The following WDR76 variants were observed in gnomAD, a reference collection of about 807,000 sequenced individuals.
WDR76 encodes WD repeat-containing protein 76.
In WDR76, 52 loss-of-function variants were observed where a neutral mutation model predicts 70.2. The ratio of observed to expected loss-of-function variants is 0.74; its 90% CI spans 0.59 to 0.93. The LOEUF (loss-of-function observed/expected upper bound fraction) is 0.93. Ranked by LOEUF, WDR76 falls within the 40% of genes least tolerant of loss-of-function variation. The pLI, the probability that WDR76 is intolerant of heterozygous loss-of-function variation, is 0.00. For synonymous variants in WDR76, 292 were observed against 271.1 expected, an observed-to-expected ratio of 1.08 and a Z score of -0.76; for missense variants, 756 against 760.2, an observed-to-expected ratio of 0.99 and a Z score of 0.07.
rs1174225734 is a variant in WDR76 at position 43,846,235 on chromosome 15, G to C, written c.1032+2181G>C. 2.7e-5 allele frequency among the ~76,000 whole-genome samples: 4 copies of C among 149,280 alleles called. 1 individual carries two copies. The highest frequency in any genetic ancestry group is 6.0e-5 in the Non-Finnish European group (4 of 66,688). ...GGAACAAAGGCTTTAGGAGATTAAG[G>C]AAGTATGGGGGTAATGAAAGAACTG... On this transcript the variant is annotated intron_variant, in intron 8 of 12. Coordinates refer to ENST00000263795, the MANE Select transcript of WDR76 (RefSeq NM_024908.4).
chr15:43,846,877 C>G (rs1047366584), intron 8 of WDR76, among the ~76,000 whole-genome samples: 1 of 151,788 alleles, frequency 6.6e-6, no homozygotes, highest in Non-Finnish European at 1.5e-5. Context: ...ACAAAATTAG[C>G]CGGGCATGGT....
chr15:43,849,669 C>G (rs2087832406), intron 8 of WDR76, among the ~76,000 whole-genome samples: 1 of 152,116 alleles, frequency 6.6e-6, no homozygotes, highest in Middle Eastern at 3.2e-3. Context: ...TCCTGAGTAG[C>G]TGGAATTACA....
intron 1 of WDR76, 65 bp downstream of exon 1, chr15:43,827,157 A>C: frequency 3.7e-6 from 6 of 1,610,244 alleles, no homozygotes; most frequent in Non-Finnish European, 5.1e-6. Context: ...GTTATGCGGG[A>C]CACAGGCCCA....
intron 8 of WDR76, among the ~76,000 whole-genome samples, chr15:43,844,926 T>TA (rs1163275078): frequency 0.55 from 8,537 of 15,514 alleles, 3,175 homozygotes; most frequent in East Asian, 0.72. Context: ...AGACTCTGTG[T>TA]AAAAAAAAAA....
chr15:43,852,895 T>G lies in WDR76; in HGVS notation c.1191+1650T>G, dbSNP rs2140308877. On this transcript the variant is annotated intron_variant, in intron 9 of 12. Transcript: ENST00000263795. ...TTTGTGTTTCTATTCTTTCTTTATA[T>G]ATTTATTTTTGAAACAGAGTCTCGC... 2.0e-5 allele frequency among the ~76,000 whole-genome samples: 3 copies of G among 152,266 alleles called. 1 individual carries two copies. The East Asian group carries it at 5.8e-4, about 29-fold the overall frequency.
intron 9 of WDR76, among the ~76,000 whole-genome samples, chr15:43,856,257 C>G (rs1182545460): frequency 1.3e-5 from 2 of 151,970 alleles, no homozygotes; most frequent in Admixed American, 6.6e-5. Flanking sequence ...TTATAGATCT[C>G]TTAGTGAAAT....
chr15:43,861,467 G>C, intron 12 of WDR76, 81 bp downstream of exon 12: 6 of 1,298,942 alleles, frequency 4.6e-6, no homozygotes, highest in Non-Finnish European at 6.7e-6. Flanking sequence ...ACATCTGATT[G>C]TCAAAGAGAT....
At chr15:43,861,832 A>AT (rs898404641) in intron 12 of WDR76, among the ~76,000 whole-genome samples, 1,552 of 104,730 alleles carry the variant, frequency 0.015, 27 homozygotes, top group East Asian at 0.038. Flanking sequence ...GTATTTGTGT[A>AT]TTTTTTTTTT....
At chr15:43,839,845 TGA>T in intron 5 of WDR76, 117 bp downstream of exon 5, 1 of 1,239,926 alleles carries the variant, frequency 8.1e-7, no homozygotes, top group Non-Finnish European at 1.1e-6. Context: ...CATTAATACT[TGA>T]ATGTTGTATG....
intron 10 of WDR76, among the ~76,000 whole-genome samples, chr15:43,858,247 T>G (rs1448046524): frequency 6.6e-6 from 1 of 150,452 alleles, no homozygotes; most frequent in Admixed American, 6.6e-5. Flanking sequence ...AGTTCTGTTT[T>G]TTTTTTTTGT....
chr15:43,854,386 A>G (rs899552105), intron 9 of WDR76, among the ~76,000 whole-genome samples: 3 of 152,114 alleles, frequency 2.0e-5, no homozygotes, highest in Non-Finnish European at 2.9e-5. Flanking sequence ...CCTGGCCAAC[A>G]TAGTGAAACC....
intron 2 of WDR76, among the ~76,000 whole-genome samples, chr15:43,830,058 G>T (rs1017630020): frequency 7.3e-5 from 11 of 150,398 alleles, no homozygotes; most frequent in African/African-American, 2.5e-4. Context: ...GTGGGGTGGA[G>T]GTTGGGAGGT....
intron 5 of WDR76, among the ~76,000 whole-genome samples, chr15:43,841,196 T>TTG (rs796616083): frequency 3.5e-5 from 5 of 143,654 alleles, no homozygotes; most frequent in African/African-American, 1.4e-4. Flanking sequence ...AAGTTTTGTT[T>TTG]TTTTGTTTTT....
intron 2 of WDR76, among the ~76,000 whole-genome samples, chr15:43,830,013 CTTT>C (rs113243917): frequency 2.9e-5 from 4 of 139,748 alleles, no homozygotes; most frequent in Non-Finnish European, 3.1e-5. Flanking sequence ...TCTTTCTTTT[CTTT>C]TTTTTTTTTT....
intron 4 of WDR76, 128 bp from the exon 5 acceptor site, chr15:43,839,477 G>A: frequency 6.3e-6 from 6 of 946,882 alleles, no homozygotes; most frequent in Non-Finnish European, 5.9e-6. Context: ...TTGTGGCCAT[G>A]TATATATATA....
In WDR76 at chr15:43,844,029, T is replaced by G; in HGVS notation, c.1007T>G (p.Phe336Cys). 3 of 1,613,238 alleles carry G rather than the reference T, an allele frequency of 1.9e-6. No individual in the cohort carries two copies. Among genetic ancestry groups the G allele is most frequent in the South Asian group, 1.1e-5 (1 of 90,730 alleles). Residue 336 changes from phenylalanine to cysteine, a missense_variant, in exon 8 of 13, where the codon TTT becomes TGT. Coordinates refer to ENST00000263795, the MANE Select transcript of WDR76 (RefSeq NM_024908.4). ...TRTLVAVGAK[F>C]GQVGLCDLTQ... is the part of the protein sequence containing the mutation. ...ACTTTGGTAGCAGTTGGGGCCAAAT[T>G]TGGGCAAGTTGGACTTTGTGATTTG...
At chr15:43,830,562 CAAA>C (rs1244207750) in intron 2 of WDR76, among the ~76,000 whole-genome samples, 6 of 49,238 alleles carry the variant, frequency 1.2e-4, no homozygotes, top group Admixed American at 2.1e-4. Context: ...AACTCCGTCT[CAAA>C]AAAAAAAAAA....
chr15:43,828,248 C>T lies in WDR76; in HGVS notation c.344C>T (p.Ala115Val), dbSNP rs763001111. ...AESTLQNSSS[A>V]VHTESNKLQP... The stretch of plus-strand genomic sequence containing the variant: ...TCCACGCTGCAAAATTCATCCTCAG[C>T]TGTTCATACTGAAAGTAACAAGCTA... The change falls in exon 2 of 13, where the codon GCT becomes GTT. Residue 115 changes from alanine to valine, a missense_variant. By Grantham distance (64) the Ala-to-Val change is moderately conservative. Transcript: ENST00000263795. The T allele has an allele frequency of 1.9e-6, 3 of 1,614,072 alleles. No homozygotes were observed. Among genetic ancestry groups the T allele is most frequent in the Admixed American group, 1.7e-5 (1 of 59,992 alleles).
At chr15:43,846,015 A>C (rs2087784286) in intron 8 of WDR76, among the ~76,000 whole-genome samples, 1 of 150,204 alleles carries the variant, frequency 6.7e-6, no homozygotes, top group Admixed American at 6.6e-5. Flanking sequence ...AGGATTTAGC[A>C]AAGAAAACTG....
Sources: gnomAD v4.1 joint callset for allele counts (sites outside exome capture counted in the v4.1 genomes callset) on GRCh38, gnomAD v4.1.1 for gene constraint, MANE v1.5 for transcripts, NCBI Gene and HGNC (gene_info 2026-07-23, HGNC 2026-07-21) for gene names.